WDR45: variants seen among roughly 807,000 people sequenced by gnomAD.
WDR45 encodes WD repeat domain phosphoinositide-interacting protein 4.
Under a neutral mutation model 27.3 loss-of-function variants are expected in WDR45, and 2 were observed. The observed-to-expected ratio is 0.07, with a 90% CI of 0.03 to 0.23. The LOEUF (loss-of-function observed/expected upper bound fraction) is 0.23, where lower values mean the gene tolerates loss of function less well. Ranked by LOEUF, WDR45 falls within the 10% of genes least tolerant of loss-of-function variation. The probability of loss-of-function intolerance (pLI) is 1.00; values close to 1 mark genes in which losing one functional copy is unlikely to be tolerated. For synonymous variants in WDR45, 99 were observed against 119.2 expected (o/e 0.83, Z 1.11); for missense variants, 175 against 311.9 (o/e 0.56, Z 3.31).
chrX:49,075,423 A>G lies in WDR45; in HGVS notation c.768T>C (p.Ser256=). ...SHDSSFLCAS[S]DKGTVHIFAL... ...CAAAGATATGGACAGTACCCTTATC[A>G]CTGGAAGCGCAGAGGAAGGAGGAGT... The change falls in exon 9 of 11, where the codon AGT becomes AGC. Residue 256 remains serine (S), a synonymous_variant. Coordinates refer to ENST00000376372, the MANE Select transcript of WDR45 (RefSeq NM_001029896.2). The G allele has an allele frequency of 1.7e-6, 2 of 1,209,702 alleles. No individual in the cohort carries two copies. Among genetic ancestry groups the G allele is most frequent in the Non-Finnish European group, 2.2e-6 (2 of 894,442 alleles).
intron 2 of WDR45, among the ~76,000 whole-genome samples, chrX:49,099,804 CA>C (rs1417702831): frequency 9.9e-6 from 1 of 101,303 alleles, no homozygotes; most frequent in Non-Finnish European, 2.0e-5. Flanking sequence ...CAAAAAAAAA[CA>C]AAAAAAAACA....
chrX:49,094,394 G>A (rs781965912), intron 2 of WDR45, among the ~76,000 whole-genome samples: 3 of 110,905 alleles, frequency 2.7e-5, no homozygotes, highest in Admixed American at 9.7e-5. Flanking sequence ...GCTTGAACCC[G>A]GGAGTTTGAG....
At chrX:49,084,049 TTTTC>T (rs1412193695), upstream of WDR45, among the ~76,000 whole-genome samples, 1 of 105,409 alleles carries the variant, frequency 9.5e-6, no homozygotes, top group African/African-American at 3.4e-5. Context: ...TCTTTTTCTT[TTTTC>T]TTTTTTTTTT....
chrX:49,075,323 A>AG, intron 9 of WDR45, 41 bp downstream of exon 9: 1 of 1,208,248 alleles, frequency 8.3e-7, no homozygotes. Flanking sequence ...GTAAATGGGC[A>AG]GGGGGACAGG....
At chrX:49,091,507 T>A (rs1397280815) in intron 2 of WDR45, among the ~76,000 whole-genome samples, 5 of 101,852 alleles carry the variant, frequency 4.9e-5, no homozygotes, top group African/African-American at 1.8e-4. Context: ...CCCAGCACTT[T>A]GGGAGGCCGA....
At chrX:49,078,300 T>A (rs2065049564) in intron 1 of WDR45, among the ~76,000 whole-genome samples, 188 bp from the exon 2 acceptor site, 1 of 112,490 alleles carries the variant, frequency 8.9e-6, no homozygotes, top group East Asian at 2.8e-4. Flanking sequence ...GGCGGGTGGA[T>A]CACCTGAGGT....
intron 2 of WDR45, among the ~76,000 whole-genome samples, chrX:49,098,801 T>C (rs1424433450): frequency 9.0e-6 from 1 of 111,191 alleles, no homozygotes; most frequent in Admixed American, 9.7e-5. Context: ...AGAAATACCC[T>C]GTCTCTACCC....
chrX:49,078,030 T>A lies in WDR45; in HGVS notation c.55+11A>T. On this transcript the variant is annotated intron_variant, in intron 2 of 10. Transcript: ENST00000376372. ...TCCTCCCACAAGGGTACAGGCCCAA[T>A]CCTCTCTCACTTTGGTCTTGGTTGA... is the stretch of plus-strand genomic sequence containing the variant. The A allele has an allele frequency of 8.3e-7, 1 of 1,212,091 alleles. No homozygotes were observed. The highest frequency in any genetic ancestry group is 1.1e-6 in the Non-Finnish European group (1 of 895,491).
intron 8 of WDR45, 38 bp downstream of exon 8, chrX:49,075,507 A>G: frequency 8.3e-7 from 1 of 1,209,506 alleles, no homozygotes; most frequent in East Asian, 3.0e-5. Context: ...GTCATGTGGT[A>G]TGGGGTCACC....
Position 49,095,197 on chromosome X carries a change from T to C in WDR45, c.-18+5008A>G, listed in dbSNP as rs782730012. On this transcript the variant is annotated intron_variant, in intron 2 of 11. Transcript: ENST00000356463. ...ACTTTCATGAATCAAAATTGGCTACTTGACTTCAGTAATTTGTGAAAATTA... is the reference window on the plus strand; with the variant it reads ...ACTTTCATGAATCAAAATTGGCTACCTGACTTCAGTAATTTGTGAAAATTA... 3.1e-4 allele frequency among the ~76,000 whole-genome samples: 34 copies of C among 110,911 alleles called. No individual in the cohort carries two copies. The South Asian group carries it at 9.8e-3, about 32-fold the overall frequency.
intron 2 of WDR45, among the ~76,000 whole-genome samples, chrX:49,091,515 C>A (rs1327192496): frequency 1.1e-5 from 1 of 90,394 alleles, no homozygotes; most frequent in South Asian, 5.5e-4. Flanking sequence ...TTTGGGAGGC[C>A]GAGGCGGGTG....
At chrX:49,080,494 G>A (rs897359885), upstream of WDR45, among the ~76,000 whole-genome samples, 2 of 112,247 alleles carry the variant, frequency 1.8e-5, no homozygotes, top group Non-Finnish European at 3.8e-5. Flanking sequence ...CCAGGCTGGA[G>A]TGCAGTGGCG....
chrX:49,084,114 G>A (rs1293148387), upstream of WDR45, among the ~76,000 whole-genome samples: 2 of 94,106 alleles, frequency 2.1e-5, no homozygotes, highest in Non-Finnish European at 4.2e-5. Context: ...CAATGGTGTG[G>A]TCTCAACTCA....
chrX:49,099,297 A>G (rs1420760568), intron 2 of WDR45, among the ~76,000 whole-genome samples: 3 of 108,387 alleles, frequency 2.8e-5, no homozygotes, highest in Non-Finnish European at 5.7e-5. Flanking sequence ...GCACTCCTGC[A>G]TGGCAACAGA....
At chrX:49,085,674 G>A (rs928537671) in intron 2 of WDR45, among the ~76,000 whole-genome samples, 5 of 112,457 alleles carry the variant, frequency 4.4e-5, no homozygotes, top group Non-Finnish European at 7.5e-5. Flanking sequence ...CCAGGAGTTG[G>A]AGAAGAGCCT....
chrX:49,078,207 G>T, intron 1 of WDR45, 95 bp from the exon 2 acceptor site: 1 of 824,523 alleles, frequency 1.2e-6, no homozygotes. Flanking sequence ...GCTAACTACT[G>T]ACTCTGGAGT....
At chrX:49,082,117 A>G (rs2065069786), upstream of WDR45, 1 of 110,937 alleles carries the variant, frequency 9.0e-6, no homozygotes, top group South Asian at 3.8e-4. Context: ...CCCGCCCCGA[A>G]GACTTGCAAT....
In WDR45 at chrX:49,075,274, G is replaced by A; in HGVS notation, c.835C>T (p.Arg279Cys). The change falls in exon 10 of 11, where the codon CGC becomes TGC. Residue 279 changes from arginine (R) to cysteine (C), a missense_variant. Coordinates refer to ENST00000376372, the MANE Select transcript of WDR45 (RefSeq NM_001029896.2). The stretch of plus-strand genomic sequence containing the variant: ...ATCATAGGCCCCACCTTGCCCACGC[G>A]AGCCAGCCTGCAGGCAGCACTGGCT... Reference protein sequence around the residue: ...TRLNRRSALARVGKVGPMIGQ... With the variant: ...TRLNRRSALACVGKVGPMIGQ... 8.3e-7 allele frequency: 1 copy of A among 1,210,956 alleles called. No individual in the cohort carries two copies. Among genetic ancestry groups the A allele is most frequent in the Non-Finnish European group, 1.1e-6 (1 of 894,872 alleles).
chrX:49,076,042 C>A (rs1405230560), intron 6 of WDR45, 97 bp from the exon 7 acceptor site: 4 of 757,047 alleles, frequency 5.3e-6, no homozygotes, highest in Non-Finnish European at 7.9e-6. Flanking sequence ...CAACCCTCCA[C>A]GATAAGCTTA....
Sources: allele counts gnomAD v4.1 joint callset (sites outside exome capture counted in the v4.1 genomes callset), GRCh38; gene constraint gnomAD v4.1.1; transcripts MANE v1.5; gene names NCBI Gene and HGNC (gene_info 2026-07-23, HGNC 2026-07-21).